The following DOK2 variants were observed in gnomAD, a reference collection of about 807,000 sequenced individuals.
DOK2 encodes the protein docking protein 2, 56kD.
DOK2 carries 28 observed loss-of-function variants against 26.0 expected under a neutral mutation model. The observed-to-expected ratio is 1.08, with a 90% CI of 0.80 to 1.48. The LOEUF is 1.48. DOK2 is among the 40% of genes most tolerant of loss of function. The pLI, the probability that DOK2 is intolerant of heterozygous loss-of-function variation, is 0.00. For missense variants in DOK2, 682 were observed against 558.2 expected (o/e 1.22, Z -2.23); for synonymous variants, 282 against 236.9 (o/e 1.19, Z -1.75).
chr8:21,912,299 A>T lies in DOK2; in HGVS notation c.275T>A (p.Leu92Gln). 1 of 1,599,508 alleles carries T rather than the reference A, an allele frequency of 6.3e-7. No homozygotes were observed. The change falls in exon 2 of 5, where the codon CTG becomes CAG. Residue 92 changes from leucine (L) to glutamine (Q), a missense_variant. By Grantham distance (113) the Leu-to-Gln change is moderately radical. Transcript: ENST00000276420. ...CGCTGCAGGGGCCGCCAGGAGGTAC[A>T]GGCGCTCCTTGGTCTCCAGGAAGAA... ...SAFFLETKER[L>Q]YLLAAPAAER...
chr8:21,909,312 C>A lies in DOK2; in HGVS notation c.1238G>T (p.Ter413LeuextTer16). ...TGGACCATCCCTCTGCTGCCTCTGT[C>A]ACTTTGGGCCTTTCTTTAGTACAAC... Reference protein sequence around the residue: ...DNVVLKKGPK* With the variant: ...DNVVLKKGPKL Residue 413 changes from the stop codon to leucine (L), a stop_lost, in exon 5 of 5, where the codon TGA becomes TTA. Coordinates refer to ENST00000276420, the MANE Select transcript of DOK2 (RefSeq NM_003974.4). 6.6e-7 allele frequency: 1 copy of A among 1,525,406 alleles called. No individual in the cohort carries two copies. The highest frequency in any genetic ancestry group is 1.3e-5 in the South Asian group (1 of 76,266). 94.5% of individuals were successfully genotyped at this position (1,525,406 alleles called of 1,614,324 possible).
intron 2 of DOK2, 105 bp from the exon 3 acceptor site, chr8:21,912,093 C>G: frequency 4.1e-6 from 6 of 1,477,104 alleles, no homozygotes; most frequent in Non-Finnish European, 5.4e-6. Context: ...TGTCTGCACA[C>G]TGGGTTCGGG....
At position 21,910,448 on chromosome 8, in the gene DOK2, A is replaced by G. The variant is rs1033809319; in HGVS notation, c.618+225T>C. ...CTTCCTGCTCACTGCCACCATTTCA[A>G]GGATGGAGCTAGGCACTAGTTCAGA... On this transcript the variant is annotated intron_variant, in intron 4 of 4. Transcript: ENST00000276420. Among the ~76,000 whole-genome samples, 3 of 151,994 alleles carry G rather than the reference A, an allele frequency of 2.0e-5. No homozygotes were observed. The East Asian group carries it at 5.8e-4, about 29-fold the overall frequency.
rs558636070 is a variant in DOK2 at position 21,910,474 on chromosome 8, C to T, written c.618+199G>A. Among the ~76,000 whole-genome samples the T allele has an allele frequency of 1.2e-3, 178 of 152,258 alleles. 1 individual carries two copies. The highest frequency in any genetic ancestry group is 3.8e-3 in the African/African-American group (156 of 41,552). Reference sequence around the variant, plus strand: ...GGATGGAGCTAGGCACTAGTTCAGACGCTGTTTACCCCTCTACGGTCTCTC... The same window carrying T: ...GGATGGAGCTAGGCACTAGTTCAGATGCTGTTTACCCCTCTACGGTCTCTC... On this transcript the variant is annotated intron_variant, in intron 4 of 4. Coordinates refer to ENST00000276420, the MANE Select transcript of DOK2 (RefSeq NM_003974.4).
rs772334877 is a variant in DOK2 at position 21,912,380 on chromosome 8, C to G, written c.194G>C (p.Cys65Ser). ...AARKVIRLSD[C>S]LRVAEAGGEA... Reference sequence around the variant, plus strand: ...TCCGCCGGCCTCGGCCACCCGCAGGCAGTCACTGAGGCGGATGACCTTCCG... The same window carrying G: ...TCCGCCGGCCTCGGCCACCCGCAGGGAGTCACTGAGGCGGATGACCTTCCG... The change falls in exon 2 of 5, where the codon TGC becomes TCC. Residue 65 changes from cysteine (C) to serine (S), a missense_variant. By Grantham distance (112) the Cys-to-Ser change is moderately radical. Coordinates refer to ENST00000276420, the MANE Select transcript of DOK2 (RefSeq NM_003974.4). 1.2e-6 allele frequency: 2 copies of G among 1,604,064 alleles called. No individual in the cohort carries two copies. The highest frequency in any genetic ancestry group is 3.4e-5 in the Admixed American group (2 of 59,396).
chr8:21,911,030 C>A (rs1000730205), intron 3 of DOK2, 173 bp from the exon 4 acceptor site: 1 of 762,964 alleles, frequency 1.3e-6, no homozygotes, highest in East Asian at 2.8e-5. Flanking sequence ...CCAGGTCATA[C>A]TCCCCAAAAG....
In DOK2 at chr8:21,913,674, G is replaced by A. The variant is rs1261551908; in HGVS notation, c.-73C>T. 2.0e-5 allele frequency: 31 copies of A among 1,555,290 alleles called. No individual in the cohort carries two copies. Among genetic ancestry groups the A allele is most frequent in the Admixed American group, 1.0e-4 (6 of 59,232 alleles). On this transcript the variant is annotated 5_prime_UTR_variant, in exon 1 of 5. The change creates a new upstream start codon in the 5' untranslated region. Coordinates refer to ENST00000276420, the MANE Select transcript of DOK2 (RefSeq NM_003974.4). ...TGCCCTTGCCTCTCTCTTCTTAGCCGTGTGTTTCCCTTCTCTGAAGTTCAT... is the reference window on the plus strand; with the variant it reads ...TGCCCTTGCCTCTCTCTTCTTAGCCATGTGTTTCCCTTCTCTGAAGTTCAT...
Position 21,912,511 on chromosome 8 carries a change from C to A in DOK2, c.64-1G>T, listed in dbSNP as rs868648335. On this transcript the variant is annotated splice_acceptor_variant, in intron 1 of 4. Coordinates refer to ENST00000276420, the MANE Select transcript of DOK2 (RefSeq NM_003974.4). LOFTEE classifies it high-confidence loss of function. ...GTGAGGCGCCGAAGCGGCGCCATTT[C>A]TGTGCCAGAGGCGTGGGAGGCGGGG... is the stretch of plus-strand genomic sequence containing the variant. The A allele has an allele frequency of 6.6e-7, 1 of 1,512,808 alleles. No homozygotes were observed. The highest frequency in any genetic ancestry group is 1.2e-5 in the South Asian group (1 of 80,796). 93.7% of individuals were successfully genotyped at this position (1,512,808 alleles called of 1,614,324 possible).
chr8:21,912,334 G>A lies in DOK2; in HGVS notation c.240C>T (p.Asp80=), dbSNP rs772735107. The A allele has an allele frequency of 1.2e-6, 2 of 1,607,648 alleles. No individual in the cohort carries two copies. Among genetic ancestry groups the A allele is most frequent in the South Asian group, 2.2e-5 (2 of 90,252 alleles). Residue 80 remains aspartate (D), a synonymous_variant, in exon 2 of 5, where the codon GAC becomes GAT. Coordinates refer to ENST00000276420, the MANE Select transcript of DOK2 (RefSeq NM_003974.4). ...TGGTCTCCAGGAAGAAGGCACTGGT[G>A]TCCCGGGGGCTGCTGGCCTCTCCGC... ...EAGGEASSPR[D]TSAFFLETKE... is the part of the protein sequence containing the mutation.
chr8:21,912,568 C>A, intron 1 of DOK2, 58 bp from the exon 2 acceptor site: 3 of 1,444,732 alleles, frequency 2.1e-6, no homozygotes, highest in South Asian at 1.4e-5. Context: ...ACGGGGAGAT[C>A]GTGAGCCAAG....
chr8:21,912,093 C>T, intron 2 of DOK2, 105 bp from the exon 3 acceptor site: 3 of 1,477,104 alleles, frequency 2.0e-6, no homozygotes, highest in Admixed American at 4.5e-5. Context: ...TGTCTGCACA[C>T]TGGGTTCGGG....
At chr8:21,910,075 A>G in intron 4 of DOK2, 144 bp from the exon 5 acceptor site, 1 of 955,636 alleles carries the variant, frequency 1.0e-6, no homozygotes, top group South Asian at 1.8e-5. Context: ...TCCGCCTCCC[A>G]GGTTCAAGCG....
In DOK2 at chr8:21,910,715, G is replaced by A. The variant is rs569510103; in HGVS notation, c.576C>T (p.Tyr192=). The part of the protein sequence containing the change: ...WGGPEPGTQL[Y]DWPYRFLRRF... ...GCCGCAGAAACCTGTAGGGCCAGTC[G>A]TACAGCTGGGTCCCTGGCTCGGGCC... Residue 192 remains tyrosine (Y), a synonymous_variant, in exon 4 of 5, where the codon TAC becomes TAT. Coordinates refer to ENST00000276420, the MANE Select transcript of DOK2 (RefSeq NM_003974.4). 4.7e-5 allele frequency: 76 copies of A among 1,614,012 alleles called. No homozygotes were observed. The highest frequency in any genetic ancestry group is 3.1e-4 in the East Asian group (14 of 44,876).
In DOK2 at chr8:21,910,869, AAGAG is replaced by A. The variant is rs142797319; in HGVS notation, c.434-16_434-13del. The stretch of plus-strand genomic sequence containing the variant: ...CTTGTGGGGGCCGACTGGGGAGAAG[AAGAG>A]AGAGAAGGCGAAGGCAGTTAATGGG... On this transcript the variant is annotated splice_polypyrimidine_tract_variant and intron_variant, in intron 3 of 4. Coordinates refer to ENST00000276420, the MANE Select transcript of DOK2 (RefSeq NM_003974.4). 178,380 of 1,591,178 alleles carry A rather than the reference AAGAG, an allele frequency of 0.11. 11,583 individuals carry two copies. The highest frequency in any genetic ancestry group is 0.3 in the East Asian group (13,385 of 44,420).
intron 4 of DOK2, 72 bp downstream of exon 4, chr8:21,910,601 G>C: frequency 6.4e-7 from 1 of 1,573,868 alleles, no homozygotes; most frequent in Admixed American, 1.8e-5. Context: ...CCATCCCCTC[G>C]CTGCTTCTCA....
intron 4 of DOK2, 51 bp from the exon 5 acceptor site, chr8:21,909,982 ATTTT>A (rs368685616): frequency 2.3e-4 from 317 of 1,390,898 alleles, no homozygotes; most frequent in Admixed American, 2.6e-4. Flanking sequence ...GCAGGGGTGC[ATTTT>A]TTTTTTTTTT....
At chr8:21,911,310 A>G (rs1390581801) in intron 3 of DOK2, among the ~76,000 whole-genome samples, 2 of 151,920 alleles carry the variant, frequency 1.3e-5, no homozygotes, top group African/African-American at 4.8e-5. Context: ...CCAGCTCCTC[A>G]AAAGCAACAC....
intron 3 of DOK2, chr8:21,911,103 T>A (rs1809827325): frequency 1.9e-6 from 1 of 519,070 alleles, no homozygotes; most frequent in Admixed American, 3.6e-5. Flanking sequence ...CACCCCAACC[T>A]CGTGCCCACA....
At position 21,912,310 on chromosome 8, in the gene DOK2, G is replaced by C. The variant is rs759864633; in HGVS notation, c.264C>G (p.Thr88=). ...CCGCCAGGAGGTACAGGCGCTCCTTGGTCTCCAGGAAGAAGGCACTGGTGT... is the reference window on the plus strand; with the variant it reads ...CCGCCAGGAGGTACAGGCGCTCCTTCGTCTCCAGGAAGAAGGCACTGGTGT... ...PRDTSAFFLE[T]KERLYLLAAP... Residue 88 remains threonine (T), a synonymous_variant, in exon 2 of 5, where the codon ACC becomes ACG. Transcript: ENST00000276420. 1 of 1,604,102 alleles carries C rather than the reference G, an allele frequency of 6.2e-7. No individual in the cohort carries two copies. The highest frequency in any genetic ancestry group is 8.5e-7 in the Non-Finnish European group (1 of 1,177,088).
Sources: allele counts gnomAD v4.1 joint callset (sites outside exome capture counted in the v4.1 genomes callset), GRCh38; gene constraint gnomAD v4.1.1; transcripts MANE v1.5; gene names NCBI Gene and HGNC (gene_info 2026-07-23, HGNC 2026-07-21).